AKAP13: variants seen among roughly 807,000 people sequenced by gnomAD.
AKAP13 encodes the protein A-kinase anchoring protein 13, also known as A-kinase anchor protein 13.
AKAP13 carries 80 observed loss-of-function variants against 264.5 expected under a neutral mutation model. That is an observed-to-expected ratio of 0.30 (90% CI 0.25 to 0.36). The LOEUF is 0.36. Ranked by LOEUF, AKAP13 falls within the 10% of genes least tolerant of loss-of-function variation. The pLI is 1.00. For missense variants in AKAP13, 3,712 were observed against 3,435.2 expected, an observed-to-expected ratio of 1.08 and a Z score of -2.01; for synonymous variants, 1,380 against 1,250.2, an observed-to-expected ratio of 1.10 and a Z score of -2.19.
intron 9 of AKAP13, 135 bp from the exon 10 acceptor site, chr15:85,645,683 G>GA: frequency 4.4e-6 from 4 of 919,040 alleles, no homozygotes; most frequent in Non-Finnish European, 6.2e-6. Flanking sequence ...AAGAAATAAG[G>GA]AGGGAAGGAA....
At chr15:85,458,400 T>G (rs533274196) in intron 1 of AKAP13, among the ~76,000 whole-genome samples, 17 of 148,430 alleles carry the variant, frequency 1.1e-4, no homozygotes, top group South Asian at 4.2e-4. Flanking sequence ...TTTGTTTTTT[T>G]TTTTTTTTAC....
intron 1 of AKAP13, among the ~76,000 whole-genome samples, chr15:85,423,086 A>G (rs925381336): frequency 6.6e-6 from 1 of 152,238 alleles, no homozygotes; most frequent in Non-Finnish European, 1.5e-5. Flanking sequence ...AATCATGTGA[A>G]CCTTCAACAA....
chr15:85,496,979 G>A (rs1037447162), intron 2 of AKAP13, among the ~76,000 whole-genome samples: 1 of 152,164 alleles, frequency 6.6e-6, no homozygotes, highest in Non-Finnish European at 1.5e-5. Context: ...TCATTTGTAA[G>A]TAGTATTTTC....
chr15:85,710,738 C>A, intron 19 of AKAP13, 93 bp downstream of exon 19: 1 of 1,365,900 alleles, frequency 7.3e-7, no homozygotes, highest in Non-Finnish European at 1.0e-6. Context: ...TATTCATAGT[C>A]AAGATATGAA....
At chr15:85,456,696 G>A (rs1401387233) in intron 1 of AKAP13, among the ~76,000 whole-genome samples, 2 of 151,774 alleles carry the variant, frequency 1.3e-5, no homozygotes, top group African/African-American at 2.4e-5. Flanking sequence ...GACTACAGGC[G>A]CCCGCCACCA....
At position 85,581,591 on chromosome 15, in the gene AKAP13, G is replaced by A. The variant is rs1427512286; in HGVS notation, c.3523G>A (p.Glu1175Lys). The change falls in exon 7 of 37, where the codon GAG becomes AAG. Residue 1175 changes from glutamate (E) to lysine (K), a missense_variant. Glu to Lys is a moderately conservative substitution (Grantham distance 56). Coordinates refer to ENST00000394518, the MANE Select transcript of AKAP13 (RefSeq NM_007200.5). ...ADHSCTMGDA[E>K]EAQIDDEAHP... Reference sequence around the variant, plus strand: ...CCACAGCTGTACCATGGGTGACGCTGAGGAAGCCCAAATAGACGATGAAGC... The same window carrying A: ...CCACAGCTGTACCATGGGTGACGCTAAGGAAGCCCAAATAGACGATGAAGC... 3 of 1,614,200 alleles carry A rather than the reference G, an allele frequency of 1.9e-6. No individual in the cohort carries two copies. Among genetic ancestry groups the A allele is most frequent in the Non-Finnish European group, 2.5e-6 (3 of 1,180,038 alleles).
At chr15:85,609,845 T>TGAA (rs1249218639) in intron 8 of AKAP13, among the ~76,000 whole-genome samples, 5 of 152,224 alleles carry the variant, frequency 3.3e-5, no homozygotes, top group Admixed American at 1.3e-4. Flanking sequence ...CCATTTTCTC[T>TGAA]GTTTCCTTCC....
At chr15:85,637,565 C>A (rs1366705321) in intron 8 of AKAP13, among the ~76,000 whole-genome samples, 4 of 152,000 alleles carry the variant, frequency 2.6e-5, no homozygotes, top group Non-Finnish European at 5.9e-5. Context: ...ATTATTGACC[C>A]TTTTAAGGAA....
At chr15:85,684,105 C>T (rs1464025867) in intron 15 of AKAP13, among the ~76,000 whole-genome samples, 3 of 152,136 alleles carry the variant, frequency 2.0e-5, no homozygotes, top group East Asian at 1.9e-4. Flanking sequence ...TTAACAAGTA[C>T]CCTGTCATTC....
intron 10 of AKAP13, among the ~76,000 whole-genome samples, chr15:85,648,901 G>A (rs2082680149): frequency 6.6e-6 from 1 of 152,126 alleles, no homozygotes; most frequent in South Asian, 2.1e-4. Context: ...AACCAGAAAT[G>A]GTAGCTTCAC....
chr15:85,627,898 C>CCCTGCCTT (rs1303590717), intron 8 of AKAP13, among the ~76,000 whole-genome samples: 3 of 152,320 alleles, frequency 2.0e-5, no homozygotes, highest in East Asian at 3.9e-4. Context: ...AGCTAGAATT[C>CCCTGCCTT]CCTGCCTTAC....
chr15:85,521,504 T>C lies in AKAP13; in HGVS notation c.110T>C (p.Leu37Ser), dbSNP rs747976758. The change falls in exon 3 of 37, where the codon TTG becomes TCG. Residue 37 changes from leucine to serine, a missense_variant. Around this residue, in one of 3 missense-constraint regions of AKAP13, gnomAD observed 2,759 missense variants for 2,411.7 expected, o/e 1.14. Coordinates refer to ENST00000394518, the MANE Select transcript of AKAP13 (RefSeq NM_007200.5). ...GATGTAGTGTTTTACTTGGTATTTT[T>C]GGGTTCCACCCTCCGTCACTGTACA... Reference protein sequence around the residue: ...EDDVVFYLVFLGSTLRHCTST... With the variant: ...EDDVVFYLVFSGSTLRHCTST... The C allele has an allele frequency of 6.6e-5, 106 of 1,614,048 alleles. No individual in the cohort carries two copies. The South Asian group carries it at 1.1e-3, about 17-fold the overall frequency.
chr15:85,735,285 G>T, intron 31 of AKAP13, 135 bp downstream of exon 31: 2 of 1,220,788 alleles, frequency 1.6e-6, no homozygotes, highest in Non-Finnish European at 2.3e-6. Context: ...AGACACTCAA[G>T]AGCTTGTCAG....
intron 8 of AKAP13, among the ~76,000 whole-genome samples, chr15:85,604,718 C>T (rs2080244946): frequency 6.6e-6 from 1 of 152,114 alleles, no homozygotes; most frequent in South Asian, 2.1e-4. Flanking sequence ...CCCACCTCGG[C>T]CTCCCAAAAT....
chr15:85,498,226 A>ATC (rs1276464388), intron 2 of AKAP13, among the ~76,000 whole-genome samples: 2 of 130,400 alleles, frequency 1.5e-5, no homozygotes, highest in African/African-American at 5.7e-5. Context: ...ATATATATAT[A>ATC]TCACATTGAG....
At position 85,602,846 on chromosome 15, in the gene AKAP13, C is replaced by A. The variant is rs78399950; in HGVS notation, c.4161+17023C>A. 5.8e-3 allele frequency among the ~76,000 whole-genome samples: 890 copies of A among 152,296 alleles called. 5 individuals carry two copies. The highest frequency in any genetic ancestry group is 8.7e-3 in the Non-Finnish European group (594 of 68,012). Reference sequence around the variant, plus strand: ...TAATTTTGTAAAATCCTACATTGGTCATTTGGAAAATATTGATTCACTGAG... The same window carrying A: ...TAATTTTGTAAAATCCTACATTGGTAATTTGGAAAATATTGATTCACTGAG... On this transcript the variant is annotated intron_variant, in intron 8 of 36. Transcript: ENST00000394518.
intron 1 of AKAP13, among the ~76,000 whole-genome samples, chr15:85,395,073 A>T (rs992447756): frequency 6.6e-6 from 1 of 152,206 alleles, no homozygotes. Context: ...AGTTCCTTTT[A>T]ATCAGTGCTT....
intron 10 of AKAP13, among the ~76,000 whole-genome samples, chr15:85,653,249 C>G (rs1462027041): frequency 6.6e-6 from 1 of 152,140 alleles, no homozygotes; most frequent in Non-Finnish European, 1.5e-5. Flanking sequence ...CTGATACTGA[C>G]TTTGATATCT....
intron 1 of AKAP13, among the ~76,000 whole-genome samples, chr15:85,463,654 T>C (rs927604451): frequency 3.3e-5 from 5 of 152,334 alleles, no homozygotes; most frequent in Admixed American, 6.5e-5. Context: ...TGCTTTCCTT[T>C]CCTGCTACCC....
Sources: allele counts gnomAD v4.1 joint callset (sites outside exome capture counted in the v4.1 genomes callset), GRCh38; gene constraint gnomAD v4.1.1; regional missense constraint gnomAD v4.1.1; transcripts MANE v1.5; gene names NCBI Gene and HGNC (gene_info 2026-07-23, HGNC 2026-07-21).